TMEM19: variants seen among roughly 807,000 people sequenced by gnomAD.
TMEM19 encodes transmembrane protein 19.
TMEM19 carries 21 observed loss-of-function variants against 33.6 expected under a neutral mutation model. The ratio of observed to expected loss-of-function variants is 0.62; its 90% CI spans 0.44 to 0.90. The LOEUF is 0.90. Ranked by LOEUF, TMEM19 falls within the 40% of genes least tolerant of loss-of-function variation. The probability of loss-of-function intolerance (pLI) is 0.00; values close to 1 mark genes in which losing one functional copy is unlikely to be tolerated. For synonymous variants in TMEM19, 149 were observed against 147.5 expected, an observed-to-expected ratio of 1.01 and a Z score of -0.07; for missense variants, 402 against 401.8, an observed-to-expected ratio of 1.00 and a Z score of 0.00.
At chr12:71,692,229 ATTTC>A (rs947191950) in intron 2 of TMEM19, among the ~76,000 whole-genome samples, 4 of 152,162 alleles carry the variant, frequency 2.6e-5, no homozygotes, top group African/African-American at 9.7e-5. Flanking sequence ...TGCCACAAAC[ATTTC>A]TTTCTTTCTC....
In TMEM19 at chr12:71,686,404, G is replaced by C; in HGVS notation, c.-277G>C. Reference sequence around the variant, plus strand: ...CCCGTGGGCTCCGGCGTGAGGCGCTGAAGCGGCCGGCAGCCGGCGACCGGC... The same window carrying C: ...CCCGTGGGCTCCGGCGTGAGGCGCTCAAGCGGCCGGCAGCCGGCGACCGGC... On this transcript the variant is annotated 5_prime_UTR_variant, in exon 1 of 6. Transcript: ENST00000266673. 1 of 321,914 alleles carries C rather than the reference G, an allele frequency of 3.1e-6. No homozygotes were observed. 19.9% of individuals were successfully genotyped at this position (321,914 alleles called of 1,614,324 possible). A position where few individuals can be genotyped will look rare whatever the true frequency, so the allele number is the denominator to read the frequency against.
At chr12:71,696,705 G>A in intron 3 of TMEM19, 132 bp downstream of exon 3, 1 of 743,266 alleles carries the variant, frequency 1.3e-6, no homozygotes, top group Non-Finnish European at 2.0e-6. Context: ...GGAGTGCACT[G>A]GCGCAATCTC....
At position 71,694,809 on chromosome 12, in the gene TMEM19, G is replaced by T. The variant is rs115092812; in HGVS notation, c.245-1627G>T. On this transcript the variant is annotated intron_variant, in intron 2 of 5. Coordinates refer to ENST00000266673, the MANE Select transcript of TMEM19 (RefSeq NM_018279.4). ...AGAATATGTATGAAGCAATAGGTGA[G>T]CTTTGAGTTTATTAAATTACTATGA... Among the ~76,000 whole-genome samples, 713 of 152,316 alleles carry T rather than the reference G, an allele frequency of 4.7e-3. 6 individuals carry two copies. The highest frequency in any genetic ancestry group is 0.017 in the African/African-American group (686 of 41,562).
intron 4 of TMEM19, 124 bp from the exon 5 acceptor site, chr12:71,698,774 CTT>C (rs1172904161): frequency 6.3e-6 from 5 of 797,494 alleles, no homozygotes; most frequent in African/African-American, 3.4e-5. Context: ...AAGCTACAGT[CTT>C]TAGATTGCAT....
rs1033910798 is a variant in TMEM19, at chr12:71,686,391, G to A, written c.-290G>A. The A allele has an allele frequency of 2.7e-5, 8 of 298,416 alleles. No homozygotes were observed. The highest frequency in any genetic ancestry group is 1.1e-4 in the African/African-American group (5 of 43,576). 18.5% of individuals were successfully genotyped at this position (298,416 alleles called of 1,614,324 possible). A position where few individuals can be genotyped will look rare whatever the true frequency, so the allele number is the denominator to read the frequency against. On this transcript the variant is annotated 5_prime_UTR_variant, in exon 1 of 6. Transcript: ENST00000266673. The stretch of plus-strand genomic sequence containing the variant: ...GCTTTCTCTTTTCCCCGTGGGCTCC[G>A]GCGTGAGGCGCTGAAGCGGCCGGCA...
chr12:71,694,510 C>T (rs1881838121), intron 2 of TMEM19, among the ~76,000 whole-genome samples: 1 of 152,090 alleles, frequency 6.6e-6, no homozygotes, highest in African/African-American at 2.4e-5. Flanking sequence ...GCTATATGAG[C>T]CAGAATGCCA....
At chr12:71,689,563 T>G in intron 1 of TMEM19, 28 bp from the exon 2 acceptor site, 1 of 1,583,790 alleles carries the variant, frequency 6.3e-7, no homozygotes, top group South Asian at 1.1e-5. Flanking sequence ...CTTCACACAA[T>G]TTGTGCTCCA....
In TMEM19 at chr12:71,686,237, G is replaced by A. The variant is rs1261110351; in HGVS notation, c.-444G>A. 2 of 216,352 alleles carry A rather than the reference G, an allele frequency of 9.2e-6. No individual in the cohort carries two copies. Among genetic ancestry groups the A allele is most frequent in the African/African-American group, 4.8e-5 (2 of 41,762 alleles). The allele number at this position is 216,352 out of a possible 1,614,324, so 13.4% of individuals were successfully genotyped here. Reference sequence around the variant, plus strand: ...TCAGCCGCGTCGGGCGTGCTTCCCAGACTTGCCCAAGTTCGGGTGCCCTAG... The same window carrying A: ...TCAGCCGCGTCGGGCGTGCTTCCCAAACTTGCCCAAGTTCGGGTGCCCTAG... On this transcript the variant is annotated 5_prime_UTR_variant, in exon 1 of 6. Transcript: ENST00000266673.
chr12:71,691,777 G>A (rs921687157), intron 2 of TMEM19, among the ~76,000 whole-genome samples: 1 of 149,102 alleles, frequency 6.7e-6, no homozygotes, highest in African/African-American at 2.5e-5. Flanking sequence ...TCATTGCCTT[G>A]GAATTTATTA....
intron 2 of TMEM19, among the ~76,000 whole-genome samples, chr12:71,691,001 A>T (rs1258896505): frequency 1.3e-5 from 2 of 152,214 alleles, no homozygotes; most frequent in Non-Finnish European, 2.9e-5. Flanking sequence ...ACCCCAAATT[A>T]TATAAACTTT....
intron 2 of TMEM19, among the ~76,000 whole-genome samples, chr12:71,693,357 C>G (rs1327037649): frequency 6.6e-6 from 1 of 152,014 alleles, no homozygotes; most frequent in East Asian, 2.0e-4. Flanking sequence ...CCGCCACACC[C>G]AGCTTTTCTT....
chr12:71,694,110 A>G (rs993978935), intron 2 of TMEM19, among the ~76,000 whole-genome samples: 15 of 152,222 alleles, frequency 9.9e-5, no homozygotes, highest in African/African-American at 3.6e-4. Context: ...GGATCTGGGT[A>G]TTTAGAACCA....
chr12:71,688,637 G>A (rs1210395896), intron 1 of TMEM19, among the ~76,000 whole-genome samples: 2 of 152,118 alleles, frequency 1.3e-5, no homozygotes, highest in African/African-American at 4.8e-5. Flanking sequence ...AGGAGGGGTG[G>A]GAACTTTAAA....
chr12:71,691,781 T>A (rs1881790708), intron 2 of TMEM19, among the ~76,000 whole-genome samples: 1 of 151,892 alleles, frequency 6.6e-6, no homozygotes, highest in Non-Finnish European at 1.5e-5. Flanking sequence ...TGCCTTGGAA[T>A]TTATTATTCT....
Position 71,702,374 on chromosome 12 carries a change from TC to T in TMEM19, c.*1381del, listed in dbSNP as rs1393602056. 1 of 152,230 alleles carries T rather than the reference TC, an allele frequency of 6.6e-6. No homozygotes were observed. Among genetic ancestry groups the T allele is most frequent in the African/African-American group, 2.4e-5 (1 of 41,396 alleles). 9.4% of individuals were successfully genotyped at this position (152,230 alleles called of 1,614,324 possible). On this transcript the variant is annotated 3_prime_UTR_variant, in exon 6 of 6. Transcript: ENST00000266673. The stretch of plus-strand genomic sequence containing the variant: ...TCTCACACTGTGGCCCAGGCTGGAC[TC>T]CAGCACAGTGGCATGATCTCAGCTC...
intron 1 of TMEM19, among the ~76,000 whole-genome samples, chr12:71,688,212 A>C (rs986274882): frequency 6.6e-6 from 1 of 152,038 alleles, no homozygotes; most frequent in African/African-American, 2.4e-5. Context: ...TCTTTTGTTG[A>C]ATGCTTGGGC....
intron 4 of TMEM19, 130 bp downstream of exon 4, chr12:71,697,664 T>A: frequency 8.5e-7 from 1 of 1,179,380 alleles, no homozygotes; most frequent in Non-Finnish European, 1.1e-6. Flanking sequence ...TTATTTAGTC[T>A]CTTTAAATAA....
At chr12:71,699,491 G>T (rs532228686) in intron 5 of TMEM19, 1 of 296,842 alleles carries the variant, frequency 3.4e-6, no homozygotes, top group East Asian at 7.0e-5. Context: ...CTATACACAC[G>T]ACCTACTTTC....
intron 2 of TMEM19, among the ~76,000 whole-genome samples, chr12:71,694,578 G>A (rs2137595600): frequency 6.6e-6 from 1 of 152,290 alleles, no homozygotes; most frequent in East Asian, 1.9e-4. Flanking sequence ...CACTGTTCAG[G>A]CATGCCCTAT....
Sources: gnomAD v4.1 joint callset for allele counts (sites outside exome capture counted in the v4.1 genomes callset) on GRCh38, gnomAD v4.1.1 for gene constraint, MANE v1.5 for transcripts, NCBI Gene and HGNC (gene_info 2026-07-23, HGNC 2026-07-21) for gene names.